Variants in CTNNA2 observed in about 807,000 individuals in gnomAD.
CTNNA2 encodes the protein catenin alpha-2.
A neutral mutation model predicts 101.0 loss-of-function variants in CTNNA2; 42 were observed. The observed-to-expected ratio is 0.42, with a 90% confidence interval of 0.32 to 0.54. The LOEUF is 0.54. CTNNA2 is among the 20% of genes least tolerant of loss of function. The pLI, the probability that CTNNA2 is intolerant of heterozygous loss-of-function variation, is 0.14. For missense variants in CTNNA2, 871 were observed against 1,223.1 expected (o/e 0.71, Z 4.29); for synonymous variants, 450 against 456.4 (o/e 0.99, Z 0.18).
At chr2:79,705,341 AT>A (rs942563345) in intron 2 of CTNNA2, among the ~76,000 whole-genome samples, 1 of 152,078 alleles carries the variant, frequency 6.6e-6, no homozygotes, top group African/African-American at 2.4e-5. Flanking sequence ...CATTTACATA[AT>A]TTTTATTACA....
At chr2:80,567,758 T>A (rs1333191712) in intron 12 of CTNNA2, among the ~76,000 whole-genome samples, 1 of 152,126 alleles carries the variant, frequency 6.6e-6, no homozygotes, top group Non-Finnish European at 1.5e-5. Flanking sequence ...ACTGTTACAG[T>A]AGAGGCTCAG....
chr2:79,996,597 T>A (rs1378044261), intron 7 of CTNNA2, among the ~76,000 whole-genome samples: 2 of 152,126 alleles, frequency 1.3e-5, no homozygotes, highest in African/African-American at 4.8e-5. Context: ...CTTTTTTGAG[T>A]CACTGTAGAG....
At chr2:80,534,709 T>A (rs1264895352) in intron 9 of CTNNA2, among the ~76,000 whole-genome samples, 2 of 152,144 alleles carry the variant, frequency 1.3e-5, no homozygotes, top group African/African-American at 2.4e-5. Flanking sequence ...TTGAGGAATA[T>A]GGGATGCAAT....
intron 2 of CTNNA2, among the ~76,000 whole-genome samples, chr2:79,261,930 T>A (rs1674927923): frequency 6.6e-6 from 1 of 152,182 alleles, no homozygotes; most frequent in Admixed American, 6.6e-5. Context: ...TAGTCATCTA[T>A]ATAGGAATTT....
intron 7 of CTNNA2, among the ~76,000 whole-genome samples, chr2:80,001,784 G>A (rs1441616417): frequency 6.6e-6 from 1 of 152,308 alleles, no homozygotes; most frequent in Middle Eastern, 3.4e-3. Flanking sequence ...TACCAGGACA[G>A]TGCTGTCGTC....
At chr2:79,309,169 AT>A (rs1191667114) in intron 2 of CTNNA2, among the ~76,000 whole-genome samples, 2 of 151,744 alleles carry the variant, frequency 1.3e-5, no homozygotes, top group Admixed American at 6.6e-5. Flanking sequence ...TTTTTTGAGA[AT>A]TTTTTTCTTC....
intron 7 of CTNNA2, among the ~76,000 whole-genome samples, chr2:80,250,566 T>A (rs76057976): frequency 0.013 from 1,934 of 151,848 alleles, 45 homozygotes; most frequent in African/African-American, 0.043. Context: ...GAGCAGAGGG[T>A]TCCAGGAAGG....
chr2:80,362,408 G>C (rs1674499187), intron 7 of CTNNA2, among the ~76,000 whole-genome samples: 1 of 151,826 alleles, frequency 6.6e-6, no homozygotes, highest in African/African-American at 2.4e-5. Flanking sequence ...TTTCTTTTTT[G>C]ATTTGTGCTT....
Position 79,746,747 on chromosome 2 carries a change from C to T in CTNNA2, c.298+2165C>T, listed in dbSNP as rs115414573. 1.4e-3 allele frequency among the ~76,000 whole-genome samples: 211 copies of T among 152,274 alleles called. 3 individuals are homozygous for T. Among genetic ancestry groups the T allele is most frequent in the African/African-American group, 4.4e-3 (184 of 41,550 alleles). On this transcript the variant is annotated intron_variant, in intron 3 of 18. Transcript: ENST00000402739. ...TCTACACTTCCCAGCTCAAGGAATACCTTCTCAGGGAAACTTTATCTGAAA... is the reference window on the plus strand; with the variant it reads ...TCTACACTTCCCAGCTCAAGGAATATCTTCTCAGGGAAACTTTATCTGAAA...
At chr2:80,616,235 T>C (rs557839322) in intron 17 of CTNNA2, among the ~76,000 whole-genome samples, 1 of 151,868 alleles carries the variant, frequency 6.6e-6, no homozygotes, top group South Asian at 2.1e-4. Context: ...TTAAGAACCA[T>C]GTACGTTTGT....
intron 4 of CTNNA2, among the ~76,000 whole-genome samples, chr2:79,422,821 A>G (rs568921971): frequency 6.6e-6 from 1 of 152,340 alleles, no homozygotes; most frequent in South Asian, 2.1e-4. Context: ...TAAGAACTAC[A>G]GGAAAGATAA....
chr2:79,820,677 T>C (rs187494131), intron 3 of CTNNA2, among the ~76,000 whole-genome samples: 2 of 152,330 alleles, frequency 1.3e-5, no homozygotes, highest in Non-Finnish European at 2.9e-5. Context: ...AGTTTGAAAT[T>C]CACCATGTTT....
chr2:80,440,426 G>T (rs1682457430), intron 9 of CTNNA2, among the ~76,000 whole-genome samples: 1 of 152,160 alleles, frequency 6.6e-6, no homozygotes, highest in Non-Finnish European at 1.5e-5. Context: ...GAAAATCTTA[G>T]AATTAAATAA....
At chr2:79,998,121 G>A (rs1193404885) in intron 7 of CTNNA2, among the ~76,000 whole-genome samples, 2 of 152,086 alleles carry the variant, frequency 1.3e-5, no homozygotes, top group African/African-American at 2.4e-5. Flanking sequence ...GGAATATTAG[G>A]CAATGAATAA....
At chr2:79,697,216 TAG>T (rs1684704165) in intron 2 of CTNNA2, among the ~76,000 whole-genome samples, 1 of 152,030 alleles carries the variant, frequency 6.6e-6, no homozygotes, top group African/African-American at 2.4e-5. Context: ...TAAGTTTAAT[TAG>T]AGTGTGAAAA....
chr2:80,154,575 G>T (rs1332330358), intron 7 of CTNNA2, among the ~76,000 whole-genome samples: 1 of 152,128 alleles, frequency 6.6e-6, no homozygotes, highest in African/African-American at 2.4e-5. Flanking sequence ...AGGTCTTTTG[G>T]CCTCATAAAG....
intron 1 of CTNNA2, among the ~76,000 whole-genome samples, chr2:79,637,590 T>C (rs757875660): frequency 9.2e-5 from 14 of 152,198 alleles, no homozygotes; most frequent in Non-Finnish European, 1.3e-4. Context: ...GAGAGATGCA[T>C]GCTAGAAAGG....
Position 80,543,213 on chromosome 2 carries a change from G to T in CTNNA2, c.1291-1769G>T, listed in dbSNP as rs141316247. On this transcript the variant is annotated intron_variant, in intron 9 of 18. Coordinates refer to ENST00000402739, the MANE Select transcript of CTNNA2 (RefSeq NM_001282597.3). ...ATGAACCAGAATATAGAATACAGAT[G>T]TAACAAAGATGAATAAAAATGTGGA... Among the ~76,000 whole-genome samples, 35 of 152,274 alleles carry T rather than the reference G, an allele frequency of 2.3e-4. No homozygotes were observed. The East Asian group carries it at 4.6e-3, about 20-fold the overall frequency.
intron 9 of CTNNA2, among the ~76,000 whole-genome samples, chr2:80,509,400 A>G (rs1391090162): frequency 6.6e-6 from 1 of 152,192 alleles, no homozygotes; most frequent in African/African-American, 2.4e-5. Context: ...AGGCCAGGAC[A>G]ATGCTGATAC....
Sources: gnomAD v4.1 joint callset for allele counts (sites outside exome capture counted in the v4.1 genomes callset) on GRCh38, gnomAD v4.1.1 for gene constraint, MANE v1.5 for transcripts, NCBI Gene and HGNC (gene_info 2026-07-23, HGNC 2026-07-21) for gene names.